AZU1: variants seen among roughly 807,000 people sequenced by gnomAD.
AZU1 encodes the protein azurocidin 1.
A neutral mutation model predicts 17.8 loss-of-function variants in AZU1; 21 were observed. The ratio of observed to expected loss-of-function variants is 1.18; its 90% CI spans 0.84 to 1.70. The LOEUF (loss-of-function observed/expected upper bound fraction) is 1.70, where lower values mean the gene tolerates loss of function less well. AZU1 is among the 40% of genes most tolerant of loss of function. The pLI is 0.00. For missense variants in AZU1, 379 were observed against 362.9 expected (o/e 1.04, Z -0.36); for synonymous variants, 178 against 155.2 (o/e 1.15, Z -1.09).
At position 829,667 on chromosome 19, in the gene AZU1, C is replaced by T. The variant is rs757880401; in HGVS notation, c.321C>T (p.Tyr107=). The T allele has an allele frequency of 9.3e-6, 15 of 1,613,340 alleles. No homozygotes were observed. The highest frequency in any genetic ancestry group is 8.9e-5 in the East Asian group (4 of 44,880). Residue 107 remains tyrosine (Y), a synonymous_variant, in exon 3 of 5, where the codon TAC becomes TAT. Transcript: ENST00000233997. ...TCAGCAGCATGAGCGAGAATGGCTA[C>T]GACCCCCAGCAGAACCTGAACGACC... ...FSISSMSENG[Y]DPQQNLNDLM...
intron 1 of AZU1, 108 bp from the exon 2 acceptor site, chr19:828,121 TC>T: frequency 1.5e-6 from 2 of 1,349,446 alleles, no homozygotes; most frequent in Non-Finnish European, 2.0e-6. Flanking sequence ...GGAGGGTGGG[TC>T]CCCCCGCAGC....
chr19:831,662 G>A, intron 4 of AZU1, 54 bp from the exon 5 acceptor site: 1 of 1,512,530 alleles, frequency 6.6e-7, no homozygotes, highest in Non-Finnish European at 8.8e-7. Context: ...GCAGTTCTGG[G>A]GTGGCGTGGG....
rs780129133 is a variant in AZU1 at position 828,223 on chromosome 19, G to C, written c.59-7G>C. ...GGGGATCTCAGAGCTGTCTCCCCCC[G>C]ACCCAGGCTCCAGCCCCCTTTTGGA... On this transcript the variant is annotated splice_region_variant and splice_polypyrimidine_tract_variant and intron_variant, in intron 1 of 4. Coordinates refer to ENST00000233997, the MANE Select transcript of AZU1 (RefSeq NM_001700.5). 1.3e-6 allele frequency: 2 copies of C among 1,593,598 alleles called. No individual in the cohort carries two copies. Among genetic ancestry groups the C allele is most frequent in the South Asian group, 1.1e-5 (1 of 89,236 alleles).
intron 3 of AZU1, among the ~76,000 whole-genome samples, 159 bp downstream of exon 3, chr19:829,865 G>A (rs1219631766): frequency 6.6e-6 from 1 of 152,096 alleles, no homozygotes; most frequent in Non-Finnish European, 1.5e-5. Context: ...GAGGCGGAAG[G>A]ACGGCTTGAG....
rs140313087 is a variant in AZU1, at chr19:830,980, G to A, written c.594+39G>A. 7.3e-4 allele frequency: 1,147 copies of A among 1,573,884 alleles called. 5 individuals carry two copies. The African/African-American group carries it at 0.014, about 19-fold the overall frequency. ...GTGGCGGGAGGAGGGGTCCTGAGAGGTACTGAGCTCTCCGTGGCAGGAGAA... is the reference window on the plus strand; with the variant it reads ...GTGGCGGGAGGAGGGGTCCTGAGAGATACTGAGCTCTCCGTGGCAGGAGAA... On this transcript the variant is annotated intron_variant, in intron 4 of 4. Coordinates refer to ENST00000233997, the MANE Select transcript of AZU1 (RefSeq NM_001700.5).
Position 828,434 on chromosome 19 carries a change from A to T in AZU1, c.215+48A>T, listed in dbSNP as rs751421360. On this transcript the variant is annotated intron_variant, in intron 2 of 4. Coordinates refer to ENST00000233997, the MANE Select transcript of AZU1 (RefSeq NM_001700.5). ...CCTAGGGGGCATTGGGGCTCAGAGAAGGGGCTTGGGGGGCTTAGGCATTCA... is the reference window on the plus strand; with the variant it reads ...CCTAGGGGGCATTGGGGCTCAGAGATGGGGCTTGGGGGGCTTAGGCATTCA... 6.0e-5 allele frequency: 51 copies of T among 849,418 alleles called. No homozygotes were observed. The East Asian group carries it at 9.5e-4, about 16-fold the overall frequency. The allele number at this position is 849,418 out of a possible 1,614,324, so 52.6% of individuals were successfully genotyped here. A position where few individuals can be genotyped will look rare whatever the true frequency, so the allele number is the denominator to read the frequency against.
At chr19:830,328 G>C (rs925050282) in intron 3 of AZU1, among the ~76,000 whole-genome samples, 1 of 152,200 alleles carries the variant, frequency 6.6e-6, no homozygotes, top group African/African-American at 2.4e-5. Context: ...GGAGCCTCCT[G>C]TTGGTGGAGA....
At position 827,981 on chromosome 19, in the gene AZU1, A is replaced by T; in HGVS notation, c.58+77A>T. The stretch of plus-strand genomic sequence containing the variant: ...CCAGGGCAGAACTCAGACTTAAAGC[A>T]CAGAGAAGGCAAGCGGCTTGGCCTG... On this transcript the variant is annotated intron_variant, in intron 1 of 4. Coordinates refer to ENST00000233997, the MANE Select transcript of AZU1 (RefSeq NM_001700.5). The T allele has an allele frequency of 2.0e-6, 3 of 1,516,848 alleles. No individual in the cohort carries two copies. The East Asian group carries it at 7.4e-5, about 37-fold the overall frequency. The allele number at this position is 1,516,848 out of a possible 1,614,324, so 94.0% of individuals were successfully genotyped here. A position where few individuals can be genotyped will look rare whatever the true frequency, so the allele number is the denominator to read the frequency against.
chr19:828,443 G>T, intron 2 of AZU1, 57 bp downstream of exon 2: 1 of 1,465,154 alleles, frequency 6.8e-7, no homozygotes. Context: ...AAGGGGCTTG[G>T]GGGGCTTAGG....
At chr19:829,996 T>C (rs2035268374) in intron 3 of AZU1, among the ~76,000 whole-genome samples, 2 of 148,280 alleles carry the variant, frequency 1.3e-5, no homozygotes, top group Non-Finnish European at 1.5e-5. Flanking sequence ...GTGAGGTGGC[T>C]CATGCCTGTA....
chr19:829,210 G>T (rs2035254379), intron 2 of AZU1, among the ~76,000 whole-genome samples: 1 of 133,752 alleles, frequency 7.5e-6, no homozygotes, highest in Non-Finnish European at 1.6e-5. Context: ...AAGGGAAGGG[G>T]GTCAGATGGG....
At chr19:828,462 G>C (rs926581387) in intron 2 of AZU1, 76 bp downstream of exon 2, 5 of 1,382,434 alleles carry the variant, frequency 3.6e-6, no homozygotes, top group Non-Finnish European at 4.8e-6. Flanking sequence ...GGCATTCAGT[G>C]GGGGTGCTTG....
intron 3 of AZU1, 132 bp downstream of exon 3, chr19:829,838 C>T: frequency 7.6e-7 from 1 of 1,313,424 alleles, no homozygotes; most frequent in Non-Finnish European, 1.0e-6. Context: ...CCTGTGGCCC[C>T]TGTGCTTCAG....
intron 2 of AZU1, among the ~76,000 whole-genome samples, chr19:828,872 G>C (rs1029521822): frequency 1.4e-5 from 2 of 138,832 alleles, no homozygotes; most frequent in Non-Finnish European, 3.1e-5. Flanking sequence ...GTGCAGAGAA[G>C]AGAAGGGCCT....
chr19:830,756 C>G lies in AZU1; in HGVS notation c.409C>G (p.Pro137Ala). The stretch of plus-strand genomic sequence containing the variant: ...CAGCAGCGTGACGATACTGCCACTG[C>G]CTCTGCAGAACGCCACGGTGGAAGC... ...LTSSVTILPL[P>A]LQNATVEAGT... Residue 137 changes from proline (P) to alanine (A), a missense_variant, in exon 4 of 5, where the codon CCT becomes GCT. Pro to Ala is a conservative substitution (Grantham distance 27, BLOSUM62 -1). Coordinates refer to ENST00000233997, the MANE Select transcript of AZU1 (RefSeq NM_001700.5). 6.2e-7 allele frequency: 1 copy of G among 1,601,552 alleles called. No homozygotes were observed. Among genetic ancestry groups the G allele is most frequent in the Non-Finnish European group, 8.5e-7 (1 of 1,178,620 alleles).
intron 2 of AZU1, 51 bp downstream of exon 2, chr19:828,437 G>C (rs757145221): frequency 2.3e-4 from 346 of 1,474,628 alleles, no homozygotes; most frequent in Middle Eastern, 1.0e-3. Flanking sequence ...TCAGAGAAGG[G>C]GCTTGGGGGG....
At position 830,716 on chromosome 19, in the gene AZU1, T is replaced by C. The variant is rs2145101697; in HGVS notation, c.369T>C (p.Arg123=). 1 of 1,567,232 alleles carries C rather than the reference T, an allele frequency of 6.4e-7. No homozygotes were observed. Among genetic ancestry groups the C allele is most frequent in the Non-Finnish European group, 8.6e-7 (1 of 1,160,278 alleles). ...LNDLMLLQLD[R]EANLTSSVTI... is the part of the protein sequence containing the mutation. ...TCCATTTCCTTCCCCAGCTGGACCGTGAGGCCAACCTCACCAGCAGCGTGA... is the reference window on the plus strand; with the variant it reads ...TCCATTTCCTTCCCCAGCTGGACCGCGAGGCCAACCTCACCAGCAGCGTGA... Residue 123 remains arginine, a synonymous_variant, in exon 4 of 5, where the codon CGT becomes CGC. Transcript: ENST00000233997.
Position 831,882 on chromosome 19 carries a change from G to C in AZU1, c.*5G>C, listed in dbSNP as rs770160494. ...CCGGGACCGGGGCCAGCCTAGGGGG[G>C]CCTGTGACCTCCCATGGAGCCCAGC... On this transcript the variant is annotated 3_prime_UTR_variant, in exon 5 of 5. Transcript: ENST00000233997. The C allele has an allele frequency of 3.7e-6, 6 of 1,609,582 alleles. No homozygotes were observed. The highest frequency in any genetic ancestry group is 3.3e-4 in the Middle Eastern group (2 of 6,036).
chr19:830,344 G>A (rs968813038), intron 3 of AZU1, among the ~76,000 whole-genome samples: 1 of 152,194 alleles, frequency 6.6e-6, no homozygotes, highest in African/African-American at 2.4e-5. Flanking sequence ...GGAGACTGAC[G>A]TCGTTTTCAA....
Sources: gnomAD v4.1 joint callset for allele counts (sites outside exome capture counted in the v4.1 genomes callset) on GRCh38, gnomAD v4.1.1 for gene constraint, MANE v1.5 for transcripts, NCBI Gene and HGNC (gene_info 2026-07-23, HGNC 2026-07-21) for gene names.